The following OPCML variants were observed in gnomAD, a reference collection of about 807,000 sequenced individuals.
OPCML encodes the protein opioid-binding protein/cell adhesion molecule.
In OPCML, 13 loss-of-function variants were observed where a neutral mutation model predicts 37.8. The ratio of observed to expected loss-of-function variants is 0.34; its 90% confidence interval spans 0.22 to 0.55. The LOEUF (loss-of-function observed/expected upper bound fraction) is 0.55. OPCML is among the 20% of genes least tolerant of loss of function. The probability of loss-of-function intolerance (pLI) is 0.91; values close to 1 mark genes in which losing one functional copy is unlikely to be tolerated. For missense variants in OPCML, 341 were observed against 435.6 expected (o/e 0.78, Z 1.93); for synonymous variants, 176 against 168.8 (o/e 1.04, Z -0.33).
At chr11:133,502,388 C>T (rs897376871) in intron 1 of OPCML, among the ~76,000 whole-genome samples, 2 of 152,168 alleles carry the variant, frequency 1.3e-5, no homozygotes, top group Non-Finnish European at 2.9e-5. Flanking sequence ...ATGCTGTTCT[C>T]GTACACCCCA....
rs74689240 is a variant in OPCML, at chr11:132,665,638, T to C, written c.147-8319A>G. 2.6e-3 allele frequency among the ~76,000 whole-genome samples: 397 copies of C among 152,126 alleles called. 2 individuals are homozygous for C. Among genetic ancestry groups the C allele is most frequent in the Non-Finnish European group, 4.3e-3 (290 of 67,986 alleles). On this transcript the variant is annotated intron_variant, in intron 2 of 7. Transcript: ENST00000524381. ...AGCGTAGGGTAGCGAAACACAATTA[T>C]AAAAAGTAAGGGTGAGCAGAAAGGC...
chr11:133,082,015 A>G (rs1440987648), intron 1 of OPCML, among the ~76,000 whole-genome samples: 1 of 152,000 alleles, frequency 6.6e-6, no homozygotes, highest in East Asian at 1.9e-4. Context: ...GAGTGTGCCC[A>G]GAGTCCTGCC....
chr11:133,393,714 T>C (rs1333507514), intron 1 of OPCML, among the ~76,000 whole-genome samples: 1 of 152,214 alleles, frequency 6.6e-6, no homozygotes, highest in African/African-American at 2.4e-5. Context: ...AAGCTGTTTC[T>C]CCAATTTCCT....
At chr11:132,515,573 A>G (rs2096277850) in intron 4 of OPCML, among the ~76,000 whole-genome samples, 1 of 152,194 alleles carries the variant, frequency 6.6e-6, no homozygotes, top group Admixed American at 6.5e-5. Flanking sequence ...TCTTGACCCT[A>G]TTCATCTCCA....
chr11:132,956,463 T>C (rs950903466), intron 1 of OPCML, among the ~76,000 whole-genome samples: 4 of 152,230 alleles, frequency 2.6e-5, no homozygotes, highest in African/African-American at 9.6e-5. Context: ...AGACACACTC[T>C]CAGGGTCTCT....
chr11:133,145,665 CA>C (rs1396059900), intron 1 of OPCML, among the ~76,000 whole-genome samples: 1 of 152,202 alleles, frequency 6.6e-6, no homozygotes, highest in Non-Finnish European at 1.5e-5. Context: ...GTACATAAGG[CA>C]CATTGGATAA....
chr11:132,543,399 A>T (rs1350223795), intron 3 of OPCML, among the ~76,000 whole-genome samples: 3 of 151,922 alleles, frequency 2.0e-5, no homozygotes, highest in African/African-American at 7.3e-5. Context: ...TATAGTCCTG[A>T]TTACTCGGGA....
chr11:132,826,596 T>C (rs191443883), intron 2 of OPCML, among the ~76,000 whole-genome samples: 119 of 152,336 alleles, frequency 7.8e-4, no homozygotes, highest in African/African-American at 2.5e-3. Context: ...TTATGTAACA[T>C]GGCCATAGCA....
chr11:133,368,554 C>T (rs1024602304), intron 1 of OPCML, among the ~76,000 whole-genome samples: 1 of 152,126 alleles, frequency 6.6e-6, no homozygotes. Context: ...AGTTTACCAA[C>T]CATCTTAAAC....
intron 1 of OPCML, among the ~76,000 whole-genome samples, chr11:133,194,671 A>C (rs1471508242): frequency 6.6e-6 from 1 of 152,202 alleles, no homozygotes; most frequent in African/African-American, 2.4e-5. Context: ...CAAGTTTATA[A>C]AACACAAAAG....
intron 2 of OPCML, among the ~76,000 whole-genome samples, chr11:132,752,011 C>T (rs185488887): frequency 6.6e-6 from 1 of 152,244 alleles, no homozygotes; most frequent in East Asian, 1.9e-4. Flanking sequence ...CATGCACACA[C>T]AGTATTTAAA....
At chr11:133,495,070 C>T (rs1005774043) in intron 1 of OPCML, among the ~76,000 whole-genome samples, 2 of 152,030 alleles carry the variant, frequency 1.3e-5, no homozygotes, top group African/African-American at 4.8e-5. Context: ...CACTCTTTCC[C>T]CCAAGTCACC....
At chr11:133,347,199 T>C (rs1944022893) in intron 1 of OPCML, among the ~76,000 whole-genome samples, 1 of 152,254 alleles carries the variant, frequency 6.6e-6, no homozygotes, top group Admixed American at 6.5e-5. Context: ...TTTAAGCATC[T>C]TGTAAAGCAC....
intron 2 of OPCML, among the ~76,000 whole-genome samples, chr11:132,842,707 C>G (rs1941347485): frequency 6.6e-6 from 1 of 152,216 alleles, no homozygotes; most frequent in African/African-American, 2.4e-5. Flanking sequence ...AGGATTCATG[C>G]CAGCCCTGGT....
chr11:133,448,293 T>A (rs997496929), intron 1 of OPCML, among the ~76,000 whole-genome samples: 1 of 152,224 alleles, frequency 6.6e-6, no homozygotes, highest in Non-Finnish European at 1.5e-5. Flanking sequence ...GAAAAGATTA[T>A]CCTTTACCCA....
chr11:132,870,232 T>C (rs1039446960), intron 2 of OPCML, among the ~76,000 whole-genome samples: 2 of 152,194 alleles, frequency 1.3e-5, no homozygotes, highest in East Asian at 3.9e-4. Flanking sequence ...TCAAGCACGT[T>C]CTTTCCAATA....
At chr11:132,708,055 T>C (rs1944106095) in intron 2 of OPCML, among the ~76,000 whole-genome samples, 1 of 152,206 alleles carries the variant, frequency 6.6e-6, no homozygotes, top group South Asian at 2.1e-4. Context: ...AAAATTCAAC[T>C]GTTGAGTTGT....
At chr11:132,577,911 G>A (rs1208801458) in intron 3 of OPCML, among the ~76,000 whole-genome samples, 1 of 152,038 alleles carries the variant, frequency 6.6e-6, no homozygotes, top group East Asian at 1.9e-4. Flanking sequence ...CAGCGCATCA[G>A]CCATGCTCAT....
At chr11:132,877,492 ATTCT>A (rs2136416990) in intron 2 of OPCML, among the ~76,000 whole-genome samples, 1 of 152,192 alleles carries the variant, frequency 6.6e-6, no homozygotes, top group African/African-American at 2.4e-5. Flanking sequence ...TCAGTTCTTC[ATTCT>A]TTATTTGTAG....
Sources: gnomAD v4.1 joint callset for allele counts (sites outside exome capture counted in the v4.1 genomes callset) on GRCh38, gnomAD v4.1.1 for gene constraint, MANE v1.5 for transcripts, NCBI Gene and HGNC (gene_info 2026-07-23, HGNC 2026-07-21) for gene names.